Variants in WDFY2 observed in about 807,000 individuals in gnomAD.
WDFY2 encodes WD repeat and FYVE domain-containing protein 2.
WDFY2 carries 36 observed loss-of-function variants against 56.4 expected under a neutral mutation model. That is an observed-to-expected ratio of 0.64 (90% confidence interval 0.49 to 0.84). WDFY2 has a LOEUF of 0.84. WDFY2 is among the 40% of genes least tolerant of loss of function. WDFY2 has a pLI of 0.00. For missense variants in WDFY2, 444 were observed against 512.2 expected (o/e 0.87, Z 1.29); for synonymous variants, 176 against 183.7 (o/e 0.96, Z 0.34).
intron 3 of WDFY2, among the ~76,000 whole-genome samples, chr13:51,696,694 A>G (rs1037330549): frequency 3.9e-5 from 6 of 152,248 alleles, no homozygotes; most frequent in African/African-American, 1.4e-4. Context: ...AGGAGCATGA[A>G]GCATCATTAC....
chr13:51,731,114 G>A (rs1952713268), intron 6 of WDFY2, among the ~76,000 whole-genome samples: 1 of 152,214 alleles, frequency 6.6e-6, no homozygotes, highest in African/African-American at 2.4e-5. Context: ...ATGGATTCAA[G>A]GTAGGATTCA....
chr13:51,701,260 C>T (rs763760739), intron 3 of WDFY2, among the ~76,000 whole-genome samples: 5 of 151,698 alleles, frequency 3.3e-5, no homozygotes, highest in African/African-American at 7.3e-5. Flanking sequence ...TGGTGGCTCA[C>T]GCCTGTAATC....
At chr13:51,756,487 G>A (rs766189664) in intron 10 of WDFY2, 25 bp downstream of exon 10, 16 of 1,604,206 alleles carry the variant, frequency 1.0e-5, no homozygotes, top group African/African-American at 8.0e-5. Flanking sequence ...CCTGCAGACC[G>A]CTTCAGGTTA....
intron 2 of WDFY2, among the ~76,000 whole-genome samples, chr13:51,661,083 G>C (rs1029057471): frequency 2.0e-5 from 3 of 152,182 alleles, no homozygotes; most frequent in Non-Finnish European, 4.4e-5. Flanking sequence ...TGAGCATTCA[G>C]TTCTCAGAAG....
intron 1 of WDFY2, chr13:51,591,287 T>A (rs1954038993): frequency 1.3e-5 from 2 of 152,256 alleles, no homozygotes; most frequent in Admixed American, 1.3e-4. Context: ...TGTAAAACGA[T>A]GCTTTCTAGA....
In WDFY2 at chr13:51,764,043, T is replaced by TTAAAA. The variant is rs1270922331; in HGVS notation, c.*4278_*4282dup. 6.6e-6 allele frequency: 1 copy of TTAAAA among 152,206 alleles called. No homozygotes were observed. Among genetic ancestry groups the TTAAAA allele is most frequent in the Non-Finnish European group, 1.5e-5 (1 of 68,028 alleles). The allele number at this position is 152,206 out of a possible 1,614,324, so 9.4% of individuals were successfully genotyped here. A position where few individuals can be genotyped will look rare whatever the true frequency, so the allele number is the denominator to read the frequency against. ...CCAATACATTCTTATTTTTTCTCCT[T>TTAAAA]TAAAATAATATTGAATTTTTCCTGG... is the stretch of plus-strand genomic sequence containing the variant. On this transcript the variant is annotated 3_prime_UTR_variant, in exon 12 of 12. Coordinates refer to ENST00000298125, the MANE Select transcript of WDFY2 (RefSeq NM_052950.4).
chr13:51,608,849 G>A (rs1954434679), intron 1 of WDFY2, among the ~76,000 whole-genome samples: 1 of 152,128 alleles, frequency 6.6e-6, no homozygotes, highest in Admixed American at 6.5e-5. Context: ...GTACCACAAT[G>A]TATTTTACCA....
chr13:51,695,942 A>T (rs1283255231), intron 3 of WDFY2, among the ~76,000 whole-genome samples: 1 of 152,290 alleles, frequency 6.6e-6, no homozygotes, highest in East Asian at 1.9e-4. Context: ...CTGCTGTGCT[A>T]GCAATCAGCA....
At chr13:51,595,119 G>T (rs891158728) in intron 1 of WDFY2, among the ~76,000 whole-genome samples, 2 of 152,070 alleles carry the variant, frequency 1.3e-5, no homozygotes, top group South Asian at 4.1e-4. Context: ...TGTGTAGTGG[G>T]TGGGTGCTGT....
In WDFY2 at chr13:51,654,290, T is replaced by G. The variant is rs148791449; in HGVS notation, c.138-6306T>G. 6.2e-3 allele frequency among the ~76,000 whole-genome samples: 944 copies of G among 152,306 alleles called. 10 individuals carry two copies. The highest frequency in any genetic ancestry group is 0.019 in the African/African-American group (779 of 41,572). ...AGGGTGGGAGTGACCTGATTTTCCA[T>G]GTGCCATCTTTCACCCCTTTCCTTG... On this transcript the variant is annotated intron_variant, in intron 1 of 11. Transcript: ENST00000298125.
At chr13:51,609,058 A>C (rs1379900913) in intron 1 of WDFY2, among the ~76,000 whole-genome samples, 1 of 152,076 alleles carries the variant, frequency 6.6e-6, no homozygotes, top group Non-Finnish European at 1.5e-5. Flanking sequence ...CTGAAGTGAG[A>C]GTAGGGGGAA....
intron 1 of WDFY2, among the ~76,000 whole-genome samples, chr13:51,651,771 G>A (rs1955391930): frequency 6.6e-6 from 1 of 152,184 alleles, no homozygotes; most frequent in Non-Finnish European, 1.5e-5. Context: ...TTGCACCATG[G>A]TCTGAGAGAC....
At chr13:51,742,535 T>C (rs557642165) in intron 7 of WDFY2, among the ~76,000 whole-genome samples, 2 of 152,246 alleles carry the variant, frequency 1.3e-5, no homozygotes, top group East Asian at 1.9e-4. Context: ...TGGACACTTA[T>C]TGTCCCATGC....
chr13:51,626,548 T>G (rs1205016722), intron 1 of WDFY2, among the ~76,000 whole-genome samples: 1 of 152,204 alleles, frequency 6.6e-6, no homozygotes, highest in Non-Finnish European at 1.5e-5. Flanking sequence ...TTAACAGGTA[T>G]TTATAGTTTG....
At chr13:51,695,210 T>TTCCGTTGCTGGTGAGGAGC (rs1951841004) in intron 3 of WDFY2, among the ~76,000 whole-genome samples, 1 of 152,260 alleles carries the variant, frequency 6.6e-6, no homozygotes, top group East Asian at 1.9e-4. Context: ...TCCAGCTTTG[T>TTCCGTTGCTGGTGAGGAGC]TCCGTTGCTG....
chr13:51,636,793 A>G (rs1368880672), intron 1 of WDFY2, among the ~76,000 whole-genome samples: 1 of 152,202 alleles, frequency 6.6e-6, no homozygotes, highest in Non-Finnish European at 1.5e-5. Context: ...ACCCACGTTT[A>G]TATGGTCACT....
At chr13:51,639,737 T>C (rs943328849) in intron 1 of WDFY2, among the ~76,000 whole-genome samples, 1 of 152,174 alleles carries the variant, frequency 6.6e-6, no homozygotes, top group Non-Finnish European at 1.5e-5. Flanking sequence ...AATTATTTTA[T>C]GCCATTTGGT....
chr13:51,674,464 T>C (rs1417281083), intron 2 of WDFY2, among the ~76,000 whole-genome samples: 1 of 152,162 alleles, frequency 6.6e-6, no homozygotes, highest in African/African-American at 2.4e-5. Flanking sequence ...TAGGCTCGGG[T>C]GTACTCAGGC....
chr13:51,624,350 T>C (rs1954799910), intron 1 of WDFY2, among the ~76,000 whole-genome samples: 1 of 152,240 alleles, frequency 6.6e-6, no homozygotes, highest in Non-Finnish European at 1.5e-5. Context: ...CCTGATTTGC[T>C]TTTTCCTGTT....
Sources: allele counts gnomAD v4.1 joint callset (sites outside exome capture counted in the v4.1 genomes callset), GRCh38; gene constraint gnomAD v4.1.1; transcripts MANE v1.5; gene names NCBI Gene and HGNC (gene_info 2026-07-23, HGNC 2026-07-21).